Variants in EYS observed in about 807,000 individuals in gnomAD.
The protein encoded by EYS is protein eyes shut homolog.
Under a neutral mutation model 282.1 loss-of-function variants are expected in EYS, and 250 were observed. The observed-to-expected ratio is 0.89, with a 90% CI of 0.80 to 0.98. EYS has a LOEUF of 0.98. EYS is among the 50% of genes least tolerant of loss of function. The probability of loss-of-function intolerance (pLI) is 0.00; values close to 1 mark genes in which losing one functional copy is unlikely to be tolerated. For synonymous variants in EYS, 1,355 were observed against 1,282.9 expected, an observed-to-expected ratio of 1.06 and a Z score of -1.20; for missense variants, 4,016 against 3,709.0, an observed-to-expected ratio of 1.08 and a Z score of -2.15.
chr6:64,931,628 G>C (rs570409703), intron 15 of EYS, among the ~76,000 whole-genome samples: 1 of 151,980 alleles, frequency 6.6e-6, no homozygotes, highest in South Asian at 2.1e-4. Context: ...ATATATTTTT[G>C]AAAACAAGAT....
At chr6:65,508,053 T>C (rs1274707028) in intron 2 of EYS, among the ~76,000 whole-genome samples, 1 of 152,164 alleles carries the variant, frequency 6.6e-6, no homozygotes, top group Non-Finnish European at 1.5e-5. Flanking sequence ...TGAACAGGCC[T>C]CTAATGTGGA....
intron 12 of EYS, among the ~76,000 whole-genome samples, chr6:65,181,102 C>T (rs1765370124): frequency 6.6e-6 from 1 of 152,078 alleles, no homozygotes; most frequent in African/African-American, 2.4e-5. Context: ...ACCATAAAAA[C>T]CCTAGAAGAA....
chr6:64,589,378 C>A (rs1340605994), intron 26 of EYS, among the ~76,000 whole-genome samples: 2 of 151,948 alleles, frequency 1.3e-5, no homozygotes, highest in Admixed American at 1.3e-4. Context: ...AGACACAAAC[C>A]ACTATAAGTT....
intron 22 of EYS, among the ~76,000 whole-genome samples, chr6:64,661,105 T>C (rs913075026): frequency 6.6e-6 from 1 of 152,150 alleles, no homozygotes; most frequent in African/African-American, 2.4e-5. Context: ...CATCTGATCT[T>C]TGACAAACCT....
At chr6:64,454,063 A>G (rs906307114) in intron 26 of EYS, among the ~76,000 whole-genome samples, 1 of 151,946 alleles carries the variant, frequency 6.6e-6, no homozygotes, top group African/African-American at 2.4e-5. Flanking sequence ...TTTAGCATTC[A>G]CTCTGTATAG....
intron 32 of EYS, 53 bp from the exon 33 acceptor site, chr6:64,066,544 G>T: frequency 1.6e-6 from 2 of 1,236,588 alleles, no homozygotes; most frequent in African/African-American, 1.5e-5. Context: ...TATTTTATTG[G>T]TTAACAATAA....
intron 31 of EYS, among the ~76,000 whole-genome samples, chr6:64,093,835 T>A (rs1477031660): frequency 6.6e-6 from 1 of 152,132 alleles, no homozygotes; most frequent in Non-Finnish European, 1.5e-5. Context: ...CTTGTGCCGG[T>A]TTTCAAAGGG....
At chr6:65,684,243 T>C (rs1768926957) in intron 1 of EYS, among the ~76,000 whole-genome samples, 1 of 152,000 alleles carries the variant, frequency 6.6e-6, no homozygotes, top group Admixed American at 6.6e-5. Context: ...CGAGACACAG[T>C]CATGCAGGAT....
intron 33 of EYS, among the ~76,000 whole-genome samples, chr6:63,999,723 G>GT (rs1767992302): frequency 6.6e-6 from 1 of 152,188 alleles, no homozygotes; most frequent in Non-Finnish European, 1.5e-5. Context: ...GGCTGGTACT[G>GT]TATCTCAGAG....
intron 2 of EYS, among the ~76,000 whole-genome samples, chr6:65,634,168 T>C (rs1044821932): frequency 6.6e-6 from 1 of 152,198 alleles, no homozygotes; most frequent in Non-Finnish European, 1.5e-5. Context: ...CATTACTTAG[T>C]ATACATGAAG....
chr6:65,506,736 T>C (rs1207304030), intron 2 of EYS, among the ~76,000 whole-genome samples: 2 of 151,928 alleles, frequency 1.3e-5, no homozygotes, highest in Non-Finnish European at 2.9e-5. Flanking sequence ...CTTCACAAAG[T>C]GCTGGGATTA....
chr6:65,631,085 A>G (rs1766893218), intron 2 of EYS, among the ~76,000 whole-genome samples: 1 of 152,238 alleles, frequency 6.6e-6, no homozygotes, highest in Non-Finnish European at 1.5e-5. Flanking sequence ...ATTTTCACAC[A>G]TAAACCTCTA....
intron 31 of EYS, among the ~76,000 whole-genome samples, chr6:64,123,304 A>T (rs1773653284): frequency 1.3e-5 from 2 of 152,192 alleles, no homozygotes; most frequent in African/African-American, 4.8e-5. Flanking sequence ...ATTATATTAA[A>T]AATACTATGT....
intron 12 of EYS, among the ~76,000 whole-genome samples, chr6:65,102,576 A>G (rs976081987): frequency 6.6e-6 from 1 of 151,282 alleles, no homozygotes; most frequent in Non-Finnish European, 1.5e-5. Flanking sequence ...GTCCTAATTT[A>G]TGTATAAAAT....
chr6:64,435,838 C>T (rs1774723542), intron 28 of EYS, among the ~76,000 whole-genome samples: 1 of 151,662 alleles, frequency 6.6e-6, no homozygotes, highest in African/African-American at 2.4e-5. Flanking sequence ...CTGGAAGTGC[C>T]ACATTTTCTA....
intron 26 of EYS, among the ~76,000 whole-genome samples, chr6:64,477,959 CCT>C (rs1402472983): frequency 7.9e-5 from 12 of 151,970 alleles, no homozygotes; most frequent in South Asian, 2.1e-4. Flanking sequence ...GTAAAATAGA[CCT>C]CTGATTTTTA....
At chr6:63,791,016 G>A (rs1417254282) in intron 37 of EYS, among the ~76,000 whole-genome samples, 9 of 152,288 alleles carry the variant, frequency 5.9e-5, no homozygotes, top group Admixed American at 2.0e-4. Flanking sequence ...TTGACAGCCT[G>A]GTCAGGAGGA....
At chr6:63,869,928 T>A (rs1479871944) in intron 35 of EYS, among the ~76,000 whole-genome samples, 1 of 152,080 alleles carries the variant, frequency 6.6e-6, no homozygotes. Flanking sequence ...ATAAAAAAAA[T>A]CTCAGGATCT....
At chr6:65,186,636 C>A (rs1765523032) in intron 12 of EYS, among the ~76,000 whole-genome samples, 1 of 151,710 alleles carries the variant, frequency 6.6e-6, no homozygotes, top group Non-Finnish European at 1.5e-5. Flanking sequence ...AATTATGGAT[C>A]ATTTCAAATT....
Sources: gnomAD v4.1 joint callset for allele counts (sites outside exome capture counted in the v4.1 genomes callset) on GRCh38, gnomAD v4.1.1 for gene constraint, MANE v1.5 for transcripts, NCBI Gene and HGNC (gene_info 2026-07-23, HGNC 2026-07-21) for gene names.